The following SLC15A4 variants were observed in gnomAD, a reference collection of about 807,000 sequenced individuals.
The protein encoded by SLC15A4 is hPHT1.
In SLC15A4, 26 loss-of-function variants were observed where a neutral mutation model predicts 46.1. The observed-to-expected ratio is 0.56, with a 90% CI of 0.41 to 0.78. The LOEUF (loss-of-function observed/expected upper bound fraction) is 0.78. Ranked by LOEUF, SLC15A4 falls within the 30% of genes least tolerant of loss-of-function variation. SLC15A4 has a pLI of 0.00. For synonymous variants in SLC15A4, 370 were observed against 333.4 expected, an observed-to-expected ratio of 1.11 and a Z score of -1.20; for missense variants, 751 against 755.7, an observed-to-expected ratio of 0.99 and a Z score of 0.07.
At position 128,793,631 on chromosome 12, in the gene SLC15A4, G is replaced by GT. The variant is rs1955409513; in HGVS notation, c.*564_*565insA. 6.6e-6 allele frequency: 1 copy of GT among 151,988 alleles called. No individual in the cohort carries two copies. 9.4% of individuals were successfully genotyped at this position (151,988 alleles called of 1,614,324 possible). ...AGCAGATGAAATGTGTTTACTACCA[G>GT]CCTAAATCAAAGAACATGGCAAGAG... is the stretch of plus-strand genomic sequence containing the variant. On this transcript the variant is annotated 3_prime_UTR_variant, in exon 8 of 8. Transcript: ENST00000266771.
intron 1 of SLC15A4, among the ~76,000 whole-genome samples, chr12:128,818,381 G>C (rs528950351): frequency 1.3e-3 from 192 of 152,278 alleles, no homozygotes; most frequent in South Asian, 2.5e-3. Context: ...AGAGGTAAGT[G>C]ACAAAGAACC....
At chr12:128,822,230 T>G (rs1955853837) in intron 1 of SLC15A4, among the ~76,000 whole-genome samples, 1 of 152,258 alleles carries the variant, frequency 6.6e-6, no homozygotes, top group South Asian at 2.1e-4. Flanking sequence ...CTCCCTCACT[T>G]CTTGGCAGTT....
chr12:128,797,991 G>A (rs1001993428), intron 7 of SLC15A4, among the ~76,000 whole-genome samples: 1 of 152,130 alleles, frequency 6.6e-6, no homozygotes, highest in Admixed American at 6.5e-5. Context: ...CAGCACACAC[G>A]CCCTGAGAGC....
Position 128,815,498 on chromosome 12 carries a change from C to G in SLC15A4, c.547-428G>C, listed in dbSNP as rs1314922329. The G allele has an allele frequency of 4.2e-5, 7 of 168,208 alleles. No homozygotes were observed. The East Asian group carries it at 1.1e-3, about 27-fold the overall frequency. The allele number at this position is 168,208 out of a possible 1,614,324, so 10.4% of individuals were successfully genotyped here. A position where few individuals can be genotyped will look rare whatever the true frequency, so the allele number is the denominator to read the frequency against. Reference sequence around the variant, plus strand: ...GTATGGAGTTCGAGACCAGCCTGGCCAACATGGTGAAACACCGTCTCTACT... The same window carrying G: ...GTATGGAGTTCGAGACCAGCCTGGCGAACATGGTGAAACACCGTCTCTACT... On this transcript the variant is annotated intron_variant, in intron 1 of 7. Transcript: ENST00000266771.
intron 7 of SLC15A4, among the ~76,000 whole-genome samples, chr12:128,795,398 A>C (rs112496228): frequency 3.3e-5 from 5 of 152,192 alleles, no homozygotes; most frequent in Non-Finnish European, 2.9e-5. Context: ...CAACGTCTGC[A>C]TCCCAAGCAG....
intron 6 of SLC15A4, among the ~76,000 whole-genome samples, chr12:128,800,409 G>C (rs564415395): frequency 6.6e-6 from 1 of 152,252 alleles, no homozygotes; most frequent in Admixed American, 6.5e-5. Context: ...GAATACACTT[G>C]TTCAACCACT....
intron 1 of SLC15A4, among the ~76,000 whole-genome samples, chr12:128,822,422 C>G (rs1955858184): frequency 6.6e-6 from 1 of 152,264 alleles, no homozygotes; most frequent in African/African-American, 2.4e-5. Context: ...AGCTTCCTGG[C>G]CCAGGGCCCT....
chr12:128,819,910 G>A (rs1955810803), intron 1 of SLC15A4: 1 of 152,302 alleles, frequency 6.6e-6, no homozygotes, highest in Non-Finnish European at 1.5e-5. Context: ...CAGGCTGCCA[G>A]GGCCCCAAAC....
At chr12:128,817,665 A>G (rs1340508845) in intron 1 of SLC15A4, among the ~76,000 whole-genome samples, 2 of 152,224 alleles carry the variant, frequency 1.3e-5, no homozygotes, top group Non-Finnish European at 2.9e-5. Flanking sequence ...GAAAATCCTA[A>G]CCTTAAAATG....
Position 128,810,027 on chromosome 12 carries a change from T to C in SLC15A4, c.927A>G (p.Glu309=). 1.2e-6 allele frequency: 2 copies of C among 1,614,078 alleles called. No individual in the cohort carries two copies. The highest frequency in any genetic ancestry group is 1.7e-6 in the Non-Finnish European group (2 of 1,179,898). ...GAGCTTTCACATCTTCCACTTTCTC[T>C]TCTGTAAATGGCCCACCATGAGACA... ...CKMSHGGPFT[E]EKVEDVKALV... The change falls in exon 3 of 8, where the codon GAA becomes GAG. Residue 309 remains glutamate (E), a synonymous_variant. Transcript: ENST00000266771.
At position 128,823,320 on chromosome 12, in the gene SLC15A4, G is replaced by C. The variant is rs541236238; in HGVS notation, c.546+78C>G. On this transcript the variant is annotated intron_variant, in intron 1 of 7. Transcript: ENST00000266771. ...GGGCTCCCTCCGCGGTCAGAGGCAG[G>C]GACTGGGGCAGGGGAAGAGGCTGGG... 1.3e-5 allele frequency: 16 copies of C among 1,277,146 alleles called. No individual in the cohort carries two copies. The East Asian group carries it at 3.5e-4, about 28-fold the overall frequency. 79.1% of individuals were successfully genotyped at this position (1,277,146 alleles called of 1,614,324 possible). A position where few individuals can be genotyped will look rare whatever the true frequency, so the allele number is the denominator to read the frequency against.
chr12:128,796,922 G>A (rs1316498932), intron 7 of SLC15A4, among the ~76,000 whole-genome samples: 1 of 152,180 alleles, frequency 6.6e-6, no homozygotes, highest in Non-Finnish European at 1.5e-5. Context: ...GAGTGGAGGT[G>A]CGGTCCAAGC....
rs1382142619 is a variant in SLC15A4, at chr12:128,799,427, G to C, written c.1415-10C>G. On this transcript the variant is annotated splice_polypyrimidine_tract_variant and intron_variant, in intron 6 of 7. Coordinates refer to ENST00000266771, the MANE Select transcript of SLC15A4 (RefSeq NM_145648.4). ...TATGCAAATTCCAGGCCTGAGGAAA[G>C]AAAAGGGAGGGTCGTTTTTGTGAAA... 1 of 1,613,606 alleles carries C rather than the reference G, an allele frequency of 6.2e-7. No homozygotes were observed. Among genetic ancestry groups the C allele is most frequent in the Admixed American group, 1.7e-5 (1 of 59,862 alleles).
intron 1 of SLC15A4, among the ~76,000 whole-genome samples, chr12:128,817,857 G>C (rs893223628): frequency 6.6e-6 from 1 of 152,148 alleles, no homozygotes; most frequent in African/African-American, 2.4e-5. Context: ...AGCCCCTGGC[G>C]AGCAGGCCAC....
intron 5 of SLC15A4, among the ~76,000 whole-genome samples, chr12:128,807,336 C>T (rs1372755878): frequency 6.6e-6 from 1 of 152,170 alleles, no homozygotes; most frequent in African/African-American, 2.4e-5. Context: ...AGGCAGCCCA[C>T]AGAAGTGATT....
At chr12:128,803,511 T>C (rs1238815852) in intron 5 of SLC15A4, among the ~76,000 whole-genome samples, 2 of 152,184 alleles carry the variant, frequency 1.3e-5, no homozygotes, top group Non-Finnish European at 2.9e-5. Context: ...CTGGCAGAGC[T>C]GAGGCCAGGC....
intron 7 of SLC15A4, among the ~76,000 whole-genome samples, chr12:128,797,886 G>T (rs756665328): frequency 3.2e-4 from 48 of 152,348 alleles, no homozygotes; most frequent in Non-Finnish European, 5.9e-4. Flanking sequence ...CTGCCATGCA[G>T]CCAGGGGGCA....
chr12:128,805,922 T>C (rs530640563), intron 5 of SLC15A4, among the ~76,000 whole-genome samples: 218 of 151,928 alleles, frequency 1.4e-3, no homozygotes, highest in Non-Finnish European at 2.7e-3. Flanking sequence ...TGGCTCATGC[T>C]TATAATCCCA....
At chr12:128,801,640 A>C (rs369624844) in intron 5 of SLC15A4, 33 of 152,230 alleles carry the variant, frequency 2.2e-4, no homozygotes, top group African/African-American at 7.7e-4. Context: ...ACAGAAAGAC[A>C]TGAGAAAAAC....
Sources: allele counts gnomAD v4.1 joint callset (sites outside exome capture counted in the v4.1 genomes callset), GRCh38; gene constraint gnomAD v4.1.1; transcripts MANE v1.5; gene names NCBI Gene and HGNC (gene_info 2026-07-23, HGNC 2026-07-21).